TVP23C: variants seen among roughly 807,000 people sequenced by gnomAD.
TVP23C encodes the protein trans-golgi network vesicle protein 23 homolog C.
In TVP23C, 19 loss-of-function variants were observed where a neutral mutation model predicts 28.7. That is an observed-to-expected ratio of 0.66 (90% confidence interval 0.46 to 0.97). The LOEUF (loss-of-function observed/expected upper bound fraction) is 0.97, where lower values mean the gene tolerates loss of function less well. TVP23C is among the 50% of genes least tolerant of loss of function. TVP23C has a pLI of 0.00. For missense variants in TVP23C, 186 were observed against 241.3 expected, an observed-to-expected ratio of 0.77 and a Z score of 1.52; for synonymous variants, 68 against 81.7, an observed-to-expected ratio of 0.83 and a Z score of 0.90.
chr17:15,536,303 G>C (rs985390246), downstream of TVP23C, among the ~76,000 whole-genome samples: 1 of 152,130 alleles, frequency 6.6e-6, no homozygotes, highest in Non-Finnish European at 1.5e-5. Flanking sequence ...TTATCACATA[G>C]TCCAAGATGG....
At chr17:15,549,394 TG>T (rs1340457760) in intron 3 of TVP23C, among the ~76,000 whole-genome samples, 2 of 152,170 alleles carry the variant, frequency 1.3e-5, no homozygotes, top group Admixed American at 1.3e-4. Context: ...GAAGAGCTTT[TG>T]GGGAGTGGAA....
chr17:15,511,062 A>AG, intron 5 of TVP23C, among the ~76,000 whole-genome samples: 1 of 143,396 alleles, frequency 7.0e-6, no homozygotes, highest in East Asian at 2.0e-4. Flanking sequence ...TCAAAAAAAA[A>AG]AAAAAAAAAA....
At chr17:15,507,262 G>A in intron 5 of TVP23C, 1 of 741,882 alleles carries the variant, frequency 1.3e-6, no homozygotes, top group South Asian at 1.4e-5. Flanking sequence ...GTGAGAGAAG[G>A]CATGAATATT....
intron 5 of TVP23C, chr17:15,506,858 T>C (rs1280825938): frequency 8.8e-6 from 6 of 682,672 alleles, no homozygotes; most frequent in Non-Finnish European, 1.6e-5. Context: ...TAGAACACAC[T>C]ATCAGCCGTG....
intron 3 of TVP23C, among the ~76,000 whole-genome samples, chr17:15,548,695 T>G (rs993233498): frequency 6.6e-6 from 1 of 152,214 alleles, no homozygotes; most frequent in South Asian, 2.1e-4. Flanking sequence ...ATCTTACCAT[T>G]AATAAATTCA....
intron 5 of TVP23C, among the ~76,000 whole-genome samples, chr17:15,523,180 A>C (rs1043923164): frequency 2.4e-4 from 36 of 148,626 alleles, no homozygotes; most frequent in Admixed American, 1.0e-3. Flanking sequence ...AATTTTTTGT[A>C]TTTTAATAGA....
chr17:15,540,772 A>C (rs940493471), intron 5 of TVP23C, among the ~76,000 whole-genome samples: 2 of 152,198 alleles, frequency 1.3e-5, no homozygotes, highest in African/African-American at 4.8e-5. Flanking sequence ...TCATTCACCC[A>C]GCAAATATTT....
At position 15,538,621 on chromosome 17, in the gene TVP23C, T is replaced by C. The variant is rs1567639050; in HGVS notation, c.*1791A>G. ...AAATAAATAAATAAAAAAGTAGACA[T>C]GCGCTAATGAAGTAAATCCATGGAT... On this transcript the variant is annotated 3_prime_UTR_variant, in exon 6 of 6. Coordinates refer to ENST00000518321, the MANE Select transcript of TVP23C (RefSeq NM_001135036.2). 2 of 985,002 alleles carry C rather than the reference T, an allele frequency of 2.0e-6. No homozygotes were observed. Among genetic ancestry groups the C allele is most frequent in the Middle Eastern group, 5.2e-4 (1 of 1,936 alleles). The allele number at this position is 985,002 out of a possible 1,614,324, so 61.0% of individuals were successfully genotyped here.
At chr17:15,512,794 T>C (rs1031080254) in intron 5 of TVP23C, among the ~76,000 whole-genome samples, 3 of 152,196 alleles carry the variant, frequency 2.0e-5, no homozygotes, top group Admixed American at 2.0e-4. Flanking sequence ...TCAATCCTAC[T>C]ACCATGACCA....
chr17:15,548,845 A>G (rs2150855416), intron 3 of TVP23C, among the ~76,000 whole-genome samples: 1 of 152,370 alleles, frequency 6.6e-6, no homozygotes, highest in East Asian at 1.9e-4. Context: ...TGCTTAATTT[A>G]TAAATAATGC....
chr17:15,531,473 G>A (rs1361854967), intron 5 of TVP23C, among the ~76,000 whole-genome samples: 2 of 152,102 alleles, frequency 1.3e-5, no homozygotes, highest in Non-Finnish European at 2.9e-5. Context: ...CTCAAGCTCT[G>A]TTCACTCTTC....
Position 15,553,706 on chromosome 17 carries a change from C to A in TVP23C, c.219G>T (p.Ser73=), listed in dbSNP as rs750431869. The A allele has an allele frequency of 6.8e-6, 11 of 1,610,130 alleles. No homozygotes were observed. In the Admixed American group the frequency reaches 1.0e-4, roughly 15 times the overall value. The part of the protein sequence containing the change: ...TCMVTIILLL[S]CDFWAVKNVT... Reference sequence around the variant, plus strand: ...TTACCTTCACTGCCCAAAAGTCACACGACAACAACAAGATAATTGTAACCA... The same window carrying A: ...TTACCTTCACTGCCCAAAAGTCACAAGACAACAACAAGATAATTGTAACCA... The change falls in exon 3 of 6, where the codon TCG becomes TCT. Residue 73 remains serine, a synonymous_variant. Coordinates refer to ENST00000518321, the MANE Select transcript of TVP23C (RefSeq NM_001135036.2).
At chr17:15,520,434 T>C (rs1982427120) in intron 5 of TVP23C, among the ~76,000 whole-genome samples, 1 of 144,662 alleles carries the variant, frequency 6.9e-6, no homozygotes, top group East Asian at 2.0e-4. Context: ...TTAGGCTCTA[T>C]TTAGATTCCT....
rs1983295812 is a variant in TVP23C, at chr17:15,539,231, T to C, written c.*1181A>G. 3 of 983,726 alleles carry C rather than the reference T, an allele frequency of 3.0e-6. No individual in the cohort carries two copies. In the African/African-American group the frequency reaches 5.2e-5, roughly 17 times the overall value. 60.9% of individuals were successfully genotyped at this position (983,726 alleles called of 1,614,324 possible). On this transcript the variant is annotated 3_prime_UTR_variant, in exon 6 of 6. Coordinates refer to ENST00000518321, the MANE Select transcript of TVP23C (RefSeq NM_001135036.2). ...GCCCTCTAGGTGATTCTCATGTATG[T>C]TCGAGTTTAAGAATCCCTGTCCTAC...
chr17:15,550,642 A>G (rs1983843544), intron 3 of TVP23C, among the ~76,000 whole-genome samples: 1 of 152,196 alleles, frequency 6.6e-6, no homozygotes, highest in Admixed American at 6.5e-5. Flanking sequence ...TACTATACAT[A>G]GTTTGATATA....
intron 3 of TVP23C, among the ~76,000 whole-genome samples, chr17:15,550,084 C>A: frequency 6.6e-6 from 1 of 152,080 alleles, no homozygotes; most frequent in Non-Finnish European, 1.5e-5. Context: ...ATTTCTCACA[C>A]TTATTGCTTG....
downstream of TVP23C, among the ~76,000 whole-genome samples, chr17:15,534,607 ACACACC>A (rs1229366091): frequency 3.6e-4 from 50 of 139,158 alleles, no homozygotes; most frequent in South Asian, 2.6e-3. Context: ...ACACACACAC[ACACACC>A]CTTACCTATT....
At chr17:15,503,438 G>C (rs746859214) in intron 5 of TVP23C, 77 of 548,778 alleles carry the variant, frequency 1.4e-4, no homozygotes, top group Non-Finnish European at 2.1e-4. Context: ...AAGGTGACCT[G>C]CTTTAGAACG....
chr17:15,520,392 T>C (rs1328684263), intron 5 of TVP23C, among the ~76,000 whole-genome samples: 2 of 148,680 alleles, frequency 1.3e-5, no homozygotes, highest in Non-Finnish European at 3.0e-5. Context: ...CTTTTTTGGG[T>C]CATCTTTCAT....
Sources: allele counts gnomAD v4.1 joint callset (sites outside exome capture counted in the v4.1 genomes callset), GRCh38; gene constraint gnomAD v4.1.1; transcripts MANE v1.5; gene names NCBI Gene and HGNC (gene_info 2026-07-23, HGNC 2026-07-21).